The following ROBO1 variants were observed in gnomAD, a reference collection of about 807,000 sequenced individuals.
The protein encoded by ROBO1 is roundabout guidance receptor 1.
Under a neutral mutation model 195.9 loss-of-function variants are expected in ROBO1, and 149 were observed. The ratio of observed to expected loss-of-function variants is 0.76; its 90% CI spans 0.67 to 0.87. The LOEUF is 0.87. Among genes scored for constraint, ROBO1 ranks in the 40% least tolerant of loss-of-function variants. The pLI is 0.00. For synonymous variants in ROBO1, 816 were observed against 733.2 expected (o/e 1.11, Z -1.82); for missense variants, 1,933 against 2,068.3 (o/e 0.93, Z 1.27).
At chr3:79,060,588 TC>T (rs920853770) in intron 3 of ROBO1, among the ~76,000 whole-genome samples, 78 of 151,660 alleles carry the variant, frequency 5.1e-4, no homozygotes, top group Admixed American at 1.4e-3. Context: ...GGGGGCTGGT[TC>T]CCCCCATAAT....
intron 1 of ROBO1, among the ~76,000 whole-genome samples, chr3:79,716,277 G>A (rs1435953039): frequency 1.3e-5 from 2 of 151,716 alleles, no homozygotes; most frequent in Non-Finnish European, 2.9e-5. Flanking sequence ...TAAGGGAGGT[G>A]CCCCAGTATA....
intron 27 of ROBO1, among the ~76,000 whole-genome samples, chr3:78,615,793 T>C (rs916844029): frequency 2.0e-5 from 3 of 152,218 alleles, no homozygotes; most frequent in African/African-American, 7.2e-5. Flanking sequence ...AACTGAAGCA[T>C]ATTAAATAAT....
intron 1 of ROBO1, among the ~76,000 whole-genome samples, chr3:79,732,218 G>A (rs1174440223): frequency 6.6e-6 from 1 of 151,590 alleles, no homozygotes; most frequent in Non-Finnish European, 1.5e-5. Context: ...ATAATCTTAT[G>A]GGGCTACTAT....
chr3:78,931,717 G>A (rs1256036019), intron 4 of ROBO1, among the ~76,000 whole-genome samples: 1 of 152,150 alleles, frequency 6.6e-6, no homozygotes, highest in Non-Finnish European at 1.5e-5. Flanking sequence ...TATAATCACA[G>A]CACTTCGGGA....
intron 4 of ROBO1, among the ~76,000 whole-genome samples, chr3:78,779,491 C>T (rs1028470639): frequency 1.3e-5 from 2 of 152,056 alleles, no homozygotes; most frequent in Admixed American, 1.3e-4. Context: ...ATGCAGCCAA[C>T]AAACATATGA....
rs932420862 is a variant in ROBO1, at chr3:79,184,812, T to G, written c.89-59273A>C. Among the ~76,000 whole-genome samples, 6 of 152,166 alleles carry G rather than the reference T, an allele frequency of 3.9e-5. No homozygotes were observed. In the South Asian group the frequency reaches 1.2e-3, roughly 32 times the overall value. ...GTATGTATTCCTATCAAGAGTTTCCTTCTACAATATCCTTCAATGTATAGT... is the reference window on the plus strand; with the variant it reads ...GTATGTATTCCTATCAAGAGTTTCCGTCTACAATATCCTTCAATGTATAGT... On this transcript the variant is annotated intron_variant, in intron 2 of 30. Transcript: ENST00000464233.
intron 4 of ROBO1, among the ~76,000 whole-genome samples, chr3:78,930,837 A>G (rs1398237350): frequency 6.6e-6 from 1 of 152,196 alleles, no homozygotes; most frequent in Admixed American, 6.5e-5. Context: ...CTACACATGT[A>G]ACACTCAGGT....
chr3:79,594,539 T>C (rs1944103820), intron 1 of ROBO1, among the ~76,000 whole-genome samples: 1 of 152,046 alleles, frequency 6.6e-6, no homozygotes, highest in South Asian at 2.1e-4. Context: ...AAGTTATAAG[T>C]GTATGGAAGT....
chr3:78,598,846 G>GTCA lies in ROBO1; in HGVS notation c.*64_*66dup, dbSNP rs1702994627. The GTCA allele has an allele frequency of 1.9e-6, 2 of 1,050,756 alleles. No individual in the cohort carries two copies. The highest frequency in any genetic ancestry group is 2.8e-6 in the Non-Finnish European group (2 of 709,086). The allele number at this position is 1,050,756 out of a possible 1,614,324, so 65.1% of individuals were successfully genotyped here. A position where few individuals can be genotyped will look rare whatever the true frequency, so the allele number is the denominator to read the frequency against. On this transcript the variant is annotated 3_prime_UTR_variant, in exon 31 of 31. Transcript: ENST00000464233. Reference sequence around the variant, plus strand: ...CTGAACATTTTATCTGGCGTCATGTGTCATCTGACAGGAGGCATCTTGAGT... The same window carrying GTCA: ...CTGAACATTTTATCTGGCGTCATGTGTCATCATCTGACAGGAGGCATCTTGAGT...
chr3:79,600,424 GGAGAAAAGAGAGTGAGAGAACACA>G (rs894065732), intron 1 of ROBO1, among the ~76,000 whole-genome samples: 1 of 151,932 alleles, frequency 6.6e-6, no homozygotes, highest in Non-Finnish European at 1.5e-5. Context: ...AGAGTGGTAG[GGAGAAAAGAGAGTGAGAGAACACA>G]GAGAAAAGGG....
At chr3:79,069,192 T>C (rs925671880) in intron 3 of ROBO1, among the ~76,000 whole-genome samples, 1 of 151,908 alleles carries the variant, frequency 6.6e-6, no homozygotes, top group Non-Finnish European at 1.5e-5. Flanking sequence ...AATAGGGCCT[T>C]TTATTTCTGT....
intron 2 of ROBO1, among the ~76,000 whole-genome samples, chr3:79,463,910 A>G (rs1471605287): frequency 1.3e-5 from 2 of 152,066 alleles, no homozygotes; most frequent in Middle Eastern, 3.2e-3. Context: ...TGAAACTCAA[A>G]CTCATTAACA....
intron 2 of ROBO1, among the ~76,000 whole-genome samples, chr3:79,536,590 G>A (rs1321961974): frequency 6.6e-6 from 1 of 152,098 alleles, no homozygotes. Context: ...AGCATTTGTT[G>A]TAAAATAATA....
chr3:79,093,986 A>G (rs964401875), intron 3 of ROBO1, among the ~76,000 whole-genome samples: 6 of 152,112 alleles, frequency 3.9e-5, no homozygotes, highest in African/African-American at 1.2e-4. Flanking sequence ...TAAATGAAAG[A>G]GAGATGGGTC....
At chr3:79,243,910 C>T (rs567005677) in intron 2 of ROBO1, among the ~76,000 whole-genome samples, 1 of 152,240 alleles carries the variant, frequency 6.6e-6, no homozygotes, top group South Asian at 2.1e-4. Flanking sequence ...TTGCCCATGC[C>T]TATGTCCTGA....
intron 4 of ROBO1, among the ~76,000 whole-genome samples, chr3:78,786,571 G>C (rs1015280529): frequency 1.4e-4 from 22 of 151,984 alleles, no homozygotes; most frequent in African/African-American, 5.3e-4. Context: ...GTCGTGGGAG[G>C]GACCCGGTAG....
intron 4 of ROBO1, chr3:78,759,001 G>A (rs910890613): frequency 2.0e-5 from 3 of 152,226 alleles, no homozygotes; most frequent in Non-Finnish European, 4.4e-5. Flanking sequence ...GCATTGCTGC[G>A]AGAGCTGTGA....
chr3:79,012,647 C>A (rs1020678492), intron 3 of ROBO1, among the ~76,000 whole-genome samples: 3 of 152,138 alleles, frequency 2.0e-5, no homozygotes, highest in African/African-American at 7.2e-5. Flanking sequence ...TGTCATAAGA[C>A]ATTTGGAAGC....
intron 2 of ROBO1, among the ~76,000 whole-genome samples, chr3:79,180,261 A>G (rs1446026228): frequency 6.6e-6 from 1 of 152,128 alleles, no homozygotes; most frequent in Non-Finnish European, 1.5e-5. Context: ...TCATTTATTA[A>G]TTTATTTCCC....
Sources: gnomAD v4.1 joint callset for allele counts (sites outside exome capture counted in the v4.1 genomes callset) on GRCh38, gnomAD v4.1.1 for gene constraint, MANE v1.5 for transcripts, NCBI Gene and HGNC (gene_info 2026-07-23, HGNC 2026-07-21) for gene names.